The following CCSER1 variants were observed in gnomAD, a reference collection of about 807,000 sequenced individuals.
CCSER1 encodes the protein coiled-coil serine rich protein 1.
In CCSER1, 41 loss-of-function variants were observed where a neutral mutation model predicts 82.0. The ratio of observed to expected loss-of-function variants is 0.50; its 90% confidence interval spans 0.39 to 0.65. The LOEUF (loss-of-function observed/expected upper bound fraction) is 0.65. Ranked by LOEUF, CCSER1 falls within the 30% of genes least tolerant of loss-of-function variation. The pLI is 0.00. For missense variants in CCSER1, 1,119 were observed against 1,064.2 expected (o/e 1.05, Z -0.72); for synonymous variants, 414 against 383.9 (o/e 1.08, Z -0.92).
At chr4:90,371,285 T>C (rs771192042) in intron 3 of CCSER1, among the ~76,000 whole-genome samples, 6 of 152,130 alleles carry the variant, frequency 3.9e-5, no homozygotes, top group Non-Finnish European at 7.4e-5. Context: ...AAATAACAAA[T>C]TGTGAAGTAT....
chr4:90,663,345 A>G (rs773544245), intron 6 of CCSER1, among the ~76,000 whole-genome samples: 3 of 152,244 alleles, frequency 2.0e-5, no homozygotes, highest in Non-Finnish European at 4.4e-5. Context: ...CCCAGTCAAC[A>G]AGTGAAACCT....
At chr4:90,783,091 G>C (rs1362166617) in intron 7 of CCSER1, among the ~76,000 whole-genome samples, 1 of 152,040 alleles carries the variant, frequency 6.6e-6, no homozygotes, top group African/African-American at 2.4e-5. Context: ...ACGGGCATAG[G>C]CCACCATGCC....
intron 7 of CCSER1, among the ~76,000 whole-genome samples, chr4:90,815,270 C>A (rs1426475797): frequency 6.6e-6 from 1 of 152,026 alleles, no homozygotes; most frequent in Non-Finnish European, 1.5e-5. Flanking sequence ...CCCCATGATC[C>A]AATCACCTCC....
chr4:91,132,545 C>G (rs1369569187), intron 10 of CCSER1, among the ~76,000 whole-genome samples: 1 of 152,140 alleles, frequency 6.6e-6, no homozygotes. Flanking sequence ...AATTACCAAG[C>G]ATGTTTTATT....
chr4:91,474,609 A>G (rs1757461815), intron 10 of CCSER1, among the ~76,000 whole-genome samples: 1 of 151,368 alleles, frequency 6.6e-6, no homozygotes. Flanking sequence ...ACATTTTACC[A>G]CATCAGGCTG....
chr4:90,898,752 A>G (rs1724147328), intron 8 of CCSER1, among the ~76,000 whole-genome samples: 1 of 151,836 alleles, frequency 6.6e-6, no homozygotes, highest in African/African-American at 2.4e-5. Context: ...AGATTAGTTC[A>G]TTGTAGATGT....
chr4:91,049,523 TG>T (rs1275709697), intron 9 of CCSER1, among the ~76,000 whole-genome samples: 1 of 152,202 alleles, frequency 6.6e-6, no homozygotes, highest in Non-Finnish European at 1.5e-5. Context: ...AAAACACGTT[TG>T]GTGGTCATTC....
intron 8 of CCSER1, among the ~76,000 whole-genome samples, chr4:90,865,283 G>C (rs1287850339): frequency 3.3e-5 from 5 of 151,962 alleles, no homozygotes; most frequent in African/African-American, 9.7e-5. Context: ...TCATGAATAA[G>C]GATCAAGAAT....
intron 4 of CCSER1, among the ~76,000 whole-genome samples, chr4:90,447,169 T>C (rs373633790): frequency 4.6e-5 from 7 of 152,196 alleles, no homozygotes; most frequent in South Asian, 2.1e-4. Flanking sequence ...TAGTTTTGTT[T>C]TCAACAGAAA....
At chr4:91,247,807 G>A (rs1739916809) in intron 10 of CCSER1, among the ~76,000 whole-genome samples, 1 of 152,184 alleles carries the variant, frequency 6.6e-6, no homozygotes, top group Admixed American at 6.5e-5. Context: ...GTTGGAGGTT[G>A]CAGTGAGTTG....
At chr4:91,097,482 TATTA>T (rs1724622732) in intron 10 of CCSER1, among the ~76,000 whole-genome samples, 2 of 152,358 alleles carry the variant, frequency 1.3e-5, no homozygotes, top group Admixed American at 1.3e-4. Flanking sequence ...ATGTTGATCT[TATTA>T]ATCTGAAATT....
intron 1 of CCSER1, among the ~76,000 whole-genome samples, chr4:90,209,679 C>T (rs116750729): frequency 0.012 from 1,775 of 151,816 alleles, 22 homozygotes; most frequent in African/African-American, 0.034. Flanking sequence ...TTTCAGTTTT[C>T]CTTTACTTTG....
intron 7 of CCSER1, among the ~76,000 whole-genome samples, chr4:90,793,971 G>A (rs920293266): frequency 6.6e-6 from 1 of 152,150 alleles, no homozygotes. Flanking sequence ...TTCTTTTTGA[G>A]AAGTGTCTGC....
chr4:90,832,371 G>T (rs1761231632), intron 8 of CCSER1, among the ~76,000 whole-genome samples: 1 of 152,032 alleles, frequency 6.6e-6, no homozygotes, highest in Admixed American at 6.6e-5. Context: ...CTGAGCTGCA[G>T]TGAATGAGCA....
intron 10 of CCSER1, among the ~76,000 whole-genome samples, chr4:91,440,459 C>T (rs554271358): frequency 5.9e-5 from 9 of 152,298 alleles, no homozygotes; most frequent in South Asian, 4.1e-4. Flanking sequence ...CTCTGGGACA[C>T]GTTCAAAGCA....
At chr4:91,196,801 C>T (rs1226059770) in intron 10 of CCSER1, among the ~76,000 whole-genome samples, 4 of 152,218 alleles carry the variant, frequency 2.6e-5, no homozygotes, top group African/African-American at 9.6e-5. Flanking sequence ...CTGTAACCAG[C>T]ATTCACTCTT....
At chr4:90,367,315 C>T (rs888853863) in intron 3 of CCSER1, among the ~76,000 whole-genome samples, 5 of 151,792 alleles carry the variant, frequency 3.3e-5, no homozygotes, top group Non-Finnish European at 7.4e-5. Flanking sequence ...GCTTTATAAG[C>T]CGGGGATCCC....
intron 9 of CCSER1, among the ~76,000 whole-genome samples, chr4:90,990,374 C>G (rs1177469858): frequency 1.3e-5 from 2 of 151,904 alleles, no homozygotes; most frequent in African/African-American, 4.8e-5. Flanking sequence ...TAACCAAACA[C>G]AGTATTTTGT....
At chr4:91,441,172 G>A (rs1289906866) in intron 10 of CCSER1, among the ~76,000 whole-genome samples, 3 of 151,964 alleles carry the variant, frequency 2.0e-5, no homozygotes, top group Non-Finnish European at 4.4e-5. Flanking sequence ...AACCAAAAAA[G>A]AGAGTTTTAG....
Sources: allele counts gnomAD v4.1 joint callset (sites outside exome capture counted in the v4.1 genomes callset), GRCh38; gene constraint gnomAD v4.1.1; transcripts MANE v1.5; gene names NCBI Gene and HGNC (gene_info 2026-07-23, HGNC 2026-07-21).